Variants in CYYR1 observed in about 807,000 individuals in gnomAD.
The protein encoded by CYYR1 is cysteine and tyrosine-rich protein 1.
A neutral mutation model predicts 15.2 loss-of-function variants in CYYR1; 14 were observed. The observed-to-expected ratio is 0.92, with a 90% CI of 0.61 to 1.44. The LOEUF (loss-of-function observed/expected upper bound fraction) is 1.44, where lower values mean the gene tolerates loss of function less well. Among genes scored for constraint, CYYR1 ranks in the 40% most tolerant of loss-of-function variants. CYYR1 has a pLI of 0.00. For missense variants in CYYR1, 228 were observed against 209.5 expected (o/e 1.09, Z -0.54); for synonymous variants, 80 against 77.4 (o/e 1.03, Z -0.18).
chr21:26,539,778 C>T (rs767450443), intron 2 of CYYR1, among the ~76,000 whole-genome samples: 18 of 152,154 alleles, frequency 1.2e-4, no homozygotes, highest in Admixed American at 4.6e-4. Flanking sequence ...TCTTCCCCCG[C>T]CCCCTAAGTT....
At chr21:26,496,929 A>T in intron 2 of CYYR1, among the ~76,000 whole-genome samples, 1 of 152,216 alleles carries the variant, frequency 6.6e-6, no homozygotes, top group Non-Finnish European at 1.5e-5. Context: ...TTATTCAAAA[A>T]TTTTCTTTGT....
At chr21:26,570,162 A>G (rs1980916367) in intron 1 of CYYR1, among the ~76,000 whole-genome samples, 1 of 152,240 alleles carries the variant, frequency 6.6e-6, no homozygotes, top group African/African-American at 2.4e-5. Flanking sequence ...TGGAGAAAGA[A>G]CAGATCATTC....
chr21:26,489,502 T>TA (rs1404153760), intron 2 of CYYR1, among the ~76,000 whole-genome samples: 1 of 152,016 alleles, frequency 6.6e-6, no homozygotes, highest in Non-Finnish European at 1.5e-5. Context: ...ATGGTCATAT[T>TA]AAAAAAATCA....
At chr21:26,499,112 A>G (rs1198570572) in intron 2 of CYYR1, among the ~76,000 whole-genome samples, 1 of 152,214 alleles carries the variant, frequency 6.6e-6, no homozygotes, top group African/African-American at 2.4e-5. Flanking sequence ...TGATGTGAGG[A>G]AAGGAATGGT....
At chr21:26,502,243 C>T (rs1316515289) in intron 2 of CYYR1, among the ~76,000 whole-genome samples, 3 of 151,388 alleles carry the variant, frequency 2.0e-5, no homozygotes, top group African/African-American at 7.3e-5. Flanking sequence ...ATACTCTGCT[C>T]CCCAATGCAA....
At chr21:26,478,368 T>C (rs964590052) in intron 3 of CYYR1, among the ~76,000 whole-genome samples, 1 of 152,048 alleles carries the variant, frequency 6.6e-6, no homozygotes, top group Non-Finnish European at 1.5e-5. Flanking sequence ...GTCAGTATTC[T>C]AGGCAAAGCC....
chr21:26,552,598 A>C (rs1426700209), intron 2 of CYYR1, among the ~76,000 whole-genome samples: 1 of 152,038 alleles, frequency 6.6e-6, no homozygotes, highest in East Asian at 1.9e-4. Flanking sequence ...ATTTATTAGT[A>C]TCCATTTTAA....
chr21:26,498,265 A>G (rs1042085340), intron 2 of CYYR1, among the ~76,000 whole-genome samples: 2 of 152,214 alleles, frequency 1.3e-5, no homozygotes, highest in African/African-American at 4.8e-5. Context: ...CATTCTTCTC[A>G]TAGCATTCTT....
In CYYR1 at chr21:26,505,138, G is replaced by C. The variant is rs1043252373; in HGVS notation, c.177-24709C>G. Among the ~76,000 whole-genome samples, 5 of 152,264 alleles carry C rather than the reference G, an allele frequency of 3.3e-5. No individual in the cohort carries two copies. The South Asian group carries it at 6.2e-4, about 19-fold the overall frequency. On this transcript the variant is annotated intron_variant, in intron 2 of 3. Transcript: ENST00000652641. ...GAAAATTTACATGAATTAAAACATAGCTCAGAGATGAAATCTGAAAGAAAA... is the reference window on the plus strand; with the variant it reads ...GAAAATTTACATGAATTAAAACATACCTCAGAGATGAAATCTGAAAGAAAA...
intron 2 of CYYR1, among the ~76,000 whole-genome samples, chr21:26,547,393 C>T (rs1162254237): frequency 2.0e-5 from 3 of 152,184 alleles, no homozygotes; most frequent in Non-Finnish European, 4.4e-5. Context: ...TCTGTCAACA[C>T]ACCTGGACAG....
intron 2 of CYYR1, among the ~76,000 whole-genome samples, chr21:26,515,211 G>C (rs753618240): frequency 6.6e-6 from 1 of 152,166 alleles, no homozygotes; most frequent in Non-Finnish European, 1.5e-5. Context: ...CCACAAACTA[G>C]TCCAAACTTC....
At chr21:26,549,164 T>A (rs1190031783) in intron 2 of CYYR1, among the ~76,000 whole-genome samples, 1 of 152,224 alleles carries the variant, frequency 6.6e-6, no homozygotes, top group Non-Finnish European at 1.5e-5. Flanking sequence ...CAGGTTTTAC[T>A]GGCTTAGGAT....
chr21:26,514,070 A>T (rs1463806442), intron 2 of CYYR1, among the ~76,000 whole-genome samples: 5 of 152,232 alleles, frequency 3.3e-5, no homozygotes, highest in South Asian at 2.1e-4. Flanking sequence ...TAATAATAAA[A>T]AAAAAAACCA....
chr21:26,559,819 C>A (rs969834579), intron 2 of CYYR1, among the ~76,000 whole-genome samples: 1 of 152,162 alleles, frequency 6.6e-6, no homozygotes, highest in African/African-American at 2.4e-5. Flanking sequence ...TATCCATTAA[C>A]CAATATCACA....
chr21:26,572,917 C>A lies in CYYR1; in HGVS notation c.24G>T (p.Val8=). The change falls in exon 1 of 4, where the codon GTG becomes GTT. Residue 8 remains valine, a synonymous_variant. Transcript: ENST00000652641. The part of the protein sequence containing the change: MDAPRLP[V]RPGVLLPKLV... ...ACTTCGGAAGCAAGACCCCTGGACG[C>A]ACGGGTAGCCTCGGAGCGTCCATCC... is the stretch of plus-strand genomic sequence containing the variant. The A allele has an allele frequency of 6.2e-7, 1 of 1,614,052 alleles. No individual in the cohort carries two copies. The highest frequency in any genetic ancestry group is 8.5e-7 in the Non-Finnish European group (1 of 1,180,016).
intron 2 of CYYR1, among the ~76,000 whole-genome samples, chr21:26,521,477 C>G (rs2065803550): frequency 6.6e-6 from 1 of 152,212 alleles, no homozygotes; most frequent in Non-Finnish European, 1.5e-5. Flanking sequence ...GAATGGACAT[C>G]AAATTCAATA....
chr21:26,535,083 T>C (rs553113015), intron 2 of CYYR1, among the ~76,000 whole-genome samples: 23 of 152,106 alleles, frequency 1.5e-4, no homozygotes, highest in Non-Finnish European at 2.9e-4. Context: ...GGCAAGAATA[T>C]ACACCGGGGA....
At chr21:26,551,761 C>T in intron 2 of CYYR1, 1 of 229,176 alleles carries the variant, frequency 4.4e-6, no homozygotes, top group Admixed American at 5.0e-5. Flanking sequence ...GGTGAAAATG[C>T]TGTGAACACT....
intron 2 of CYYR1, among the ~76,000 whole-genome samples, chr21:26,514,539 G>A (rs555422401): frequency 2.6e-5 from 4 of 152,182 alleles, no homozygotes; most frequent in Non-Finnish European, 5.9e-5. Context: ...TTTATTGCCT[G>A]CAGAACCATG....
Sources: gnomAD v4.1 joint callset for allele counts (sites outside exome capture counted in the v4.1 genomes callset) on GRCh38, gnomAD v4.1.1 for gene constraint, MANE v1.5 for transcripts, NCBI Gene and HGNC (gene_info 2026-07-23, HGNC 2026-07-21) for gene names.